Variants in SPANXN2 observed in about 807,000 individuals in gnomAD.
The protein encoded by SPANXN2 is sperm protein associated with the nucleus on the X chromosome N2.
A neutral mutation model predicts 2.0 loss-of-function variants in SPANXN2; 1 was observed. The ratio of observed to expected loss-of-function variants is 0.50; its 90% CI spans 0.18 to 2.36. The LOEUF is 2.36. SPANXN2 is among the 30% of genes most tolerant of loss of function. The pLI is 0.26. For synonymous variants in SPANXN2, 43 were observed against 49.8 expected (o/e 0.86, Z 0.58); for missense variants, 88 against 116.7 (o/e 0.75, Z 1.13).
chrX:143,711,990 C>A (rs2123999331), exon 2 of SPANXN2: 1 of 1,210,571 alleles, frequency 8.3e-7, no homozygotes, highest in African/African-American at 1.7e-5. Flanking sequence ...GTAATCATCG[C>A]CATTGGTAGT....
intron 1 of SPANXN2, among the ~76,000 whole-genome samples, chrX:143,719,117 T>TC (rs1218528228): frequency 4.7e-4 from 50 of 107,192 alleles, no homozygotes; most frequent in Admixed American, 2.3e-3. Flanking sequence ...TAATCACCTT[T>TC]CCCCCCCCAC....
At chrX:143,717,610 T>A (rs1271073073) in intron 1 of SPANXN2, among the ~76,000 whole-genome samples, 3 of 112,422 alleles carry the variant, frequency 2.7e-5, no homozygotes, top group Admixed American at 9.4e-5. Context: ...AAACCTTCTG[T>A]ACTTTCATAT....
exon 2 of SPANXN2, chrX:143,712,395 C>T (rs782774590): frequency 1.5e-5 from 18 of 1,211,369 alleles, no homozygotes; most frequent in African/African-American, 1.2e-4. Context: ...AATTTATTTT[C>T]GTATGCTTCC....
exon 1 of SPANXN2, chrX:143,720,634 T>C: frequency 8.3e-7 from 1 of 1,211,380 alleles, no homozygotes; most frequent in Non-Finnish European, 1.1e-6. Flanking sequence ...GCTCTTCCTC[T>C]TCTCCCCATT....
chrX:143,716,743 G>A (rs1285754103), intron 1 of SPANXN2, among the ~76,000 whole-genome samples: 5 of 111,657 alleles, frequency 4.5e-5, no homozygotes, highest in African/African-American at 9.8e-5. Flanking sequence ...TTAGATGCAC[G>A]GAAACTCCCT....
At chrX:143,712,371 C>T (rs1556448511) in exon 2 of SPANXN2, 1 of 1,212,554 alleles carries the variant, frequency 8.2e-7, no homozygotes, top group African/African-American at 1.7e-5. Context: ...ACTGGTCCTT[C>T]TCCAGTTGAT....
chrX:143,715,469 T>C (rs782320485), intron 1 of SPANXN2, among the ~76,000 whole-genome samples: 1 of 110,201 alleles, frequency 9.1e-6, no homozygotes, highest in East Asian at 2.9e-4. Context: ...ACCCCTTTTA[T>C]TTTACTCTGA....
chrX:143,717,557 A>G (rs1302279861), intron 1 of SPANXN2, among the ~76,000 whole-genome samples: 4 of 112,217 alleles, frequency 3.6e-5, no homozygotes, highest in Non-Finnish European at 7.5e-5. Context: ...TTCAGGAAAA[A>G]ATAGTTCGAT....
At chrX:143,716,342 C>T (rs6634533) in intron 1 of SPANXN2, among the ~76,000 whole-genome samples, 60 of 110,520 alleles carry the variant, frequency 5.4e-4, no homozygotes, top group East Asian at 4.0e-3. Flanking sequence ...GGACATGCCC[C>T]TTCCCCACAT....
At chrX:143,712,705 C>T (rs781873873) in intron 1 of SPANXN2, among the ~76,000 whole-genome samples, 7 of 111,082 alleles carry the variant, frequency 6.3e-5, no homozygotes, top group Non-Finnish European at 5.7e-5. Flanking sequence ...CCAAACTGCA[C>T]GATTTCGCAA....
At chrX:143,716,096 T>C (rs1200798722) in intron 1 of SPANXN2, among the ~76,000 whole-genome samples, 1 of 110,998 alleles carries the variant, frequency 9.0e-6, no homozygotes, top group Non-Finnish European at 1.9e-5. Flanking sequence ...AGGACCTAGC[T>C]GAACTTCCCC....
chrX:143,717,394 C>T (rs1932286357), intron 1 of SPANXN2, among the ~76,000 whole-genome samples: 2 of 111,646 alleles, frequency 1.8e-5, no homozygotes, highest in South Asian at 3.8e-4. Context: ...CACCGAAAGG[C>T]TACAGATGCC....
rs7063787 is a variant in SPANXN2, at chrX:143,713,699, G to A, written c.79-1200C>T. On this transcript the variant is annotated intron_variant, in intron 1 of 1. Transcript: ENST00000598475. ...GTATTCACTTCTCTCTGGAGTACTC[G>A]CTCACCCCTGGGGTACTCACTCCCT... is the stretch of plus-strand genomic sequence containing the variant. Among the ~76,000 whole-genome samples, 643 of 111,073 alleles carry A rather than the reference G, an allele frequency of 5.8e-3. 10 individuals are homozygous for A. Among genetic ancestry groups the A allele is most frequent in the African/African-American group, 0.02 (602 of 30,411 alleles).
At chrX:143,714,465 C>A (rs1444702582) in intron 1 of SPANXN2, among the ~76,000 whole-genome samples, 1 of 111,514 alleles carries the variant, frequency 9.0e-6, no homozygotes, top group African/African-American at 3.3e-5. Flanking sequence ...CATGAGAACA[C>A]CCTCCACCAA....
intron 1 of SPANXN2, among the ~76,000 whole-genome samples, chrX:143,719,524 A>G (rs1395416547): frequency 8.9e-6 from 1 of 112,147 alleles, no homozygotes; most frequent in African/African-American, 3.2e-5. Context: ...GGGTTTGTGC[A>G]GAATTCAACC....
chrX:143,715,611 A>G lies in SPANXN2; in HGVS notation c.79-3112T>C, dbSNP rs185959140. 7.3e-4 allele frequency among the ~76,000 whole-genome samples: 77 copies of G among 105,189 alleles called. 2 individuals are homozygous for G. Among genetic ancestry groups the G allele is most frequent in the African/African-American group, 2.1e-3 (61 of 29,336 alleles). 91.3% of individuals were successfully genotyped at this position (105,189 alleles called of 115,157 possible). ...ACATCCCAGTTAAAATAACCCTTCA[A>G]AACCCCTCCATTTTCCTTCATCAGT... is the stretch of plus-strand genomic sequence containing the variant. On this transcript the variant is annotated intron_variant, in intron 1 of 1. Transcript: ENST00000598475.
chrX:143,712,609 T>C lies in SPANXN2; in HGVS notation c.79-110A>G. 3 of 702,463 alleles carry C rather than the reference T, an allele frequency of 4.3e-6. No homozygotes were observed. In the Admixed American group the frequency reaches 9.1e-5, roughly 21 times the overall value. 57.9% of individuals were successfully genotyped at this position (702,463 alleles called of 1,213,427 possible). A position where few individuals can be genotyped will look rare whatever the true frequency, so the allele number is the denominator to read the frequency against. ...AAGGAATGCAGGTTGAGGAAGGGGT[T>C]TGTGCCAGAGAAGAACAAGGTGGAA... On this transcript the variant is annotated intron_variant, in intron 1 of 1. Coordinates refer to ENST00000598475, the Ensembl canonical transcript of SPANXN2.
At chrX:143,718,165 C>A (rs150957412) in intron 1 of SPANXN2, among the ~76,000 whole-genome samples, 2 of 111,869 alleles carry the variant, frequency 1.8e-5, no homozygotes, top group Non-Finnish European at 3.8e-5. Flanking sequence ...GACTTCACTT[C>A]TCCCATTGTT....
intron 1 of SPANXN2, among the ~76,000 whole-genome samples, chrX:143,716,914 C>A (rs781998208): frequency 3.6e-5 from 4 of 111,787 alleles, no homozygotes; most frequent in Admixed American, 1.9e-4. Flanking sequence ...CTCTACCCAG[C>A]CACCCTTCTC....
Sources: gnomAD v4.1 joint callset for allele counts (sites outside exome capture counted in the v4.1 genomes callset) on GRCh38, gnomAD v4.1.1 for gene constraint, MANE v1.5 for transcripts, NCBI Gene and HGNC (gene_info 2026-07-23, HGNC 2026-07-21) for gene names.